MAML2: variants seen among roughly 807,000 people sequenced by gnomAD.
MAML2 encodes the protein mastermind-like protein 2.
Under a neutral mutation model 96.1 loss-of-function variants are expected in MAML2, and 22 were observed. The ratio of observed to expected loss-of-function variants is 0.23; its 90% confidence interval spans 0.16 to 0.33. The LOEUF (loss-of-function observed/expected upper bound fraction) is 0.33. Among genes scored for constraint, MAML2 ranks in the 10% least tolerant of loss-of-function variants. The pLI is 1.00. For synonymous variants in MAML2, 561 were observed against 521.3 expected (o/e 1.08, Z -1.04); for missense variants, 1,367 against 1,392.4 (o/e 0.98, Z 0.29).
intron 1 of MAML2, among the ~76,000 whole-genome samples, chr11:96,301,422 C>T (rs973421990): frequency 4.6e-5 from 7 of 152,190 alleles, no homozygotes; most frequent in African/African-American, 1.7e-4. Context: ...CTAGTCCCAG[C>T]CCACCTGTCA....
At chr11:96,045,505 G>T (rs1267596606) in intron 2 of MAML2, among the ~76,000 whole-genome samples, 1 of 152,140 alleles carries the variant, frequency 6.6e-6, no homozygotes, top group African/African-American at 2.4e-5. Context: ...TGCCATCAAA[G>T]ATTAAGTCCT....
At chr11:96,008,915 A>C (rs1858227733) in intron 2 of MAML2, among the ~76,000 whole-genome samples, 1 of 152,168 alleles carries the variant, frequency 6.6e-6, no homozygotes, top group Non-Finnish European at 1.5e-5. Context: ...CCAGGTATTC[A>C]CTTCAGTTTT....
At chr11:96,155,231 C>T (rs1331735771) in intron 1 of MAML2, among the ~76,000 whole-genome samples, 1 of 151,920 alleles carries the variant, frequency 6.6e-6, no homozygotes, top group Non-Finnish European at 1.5e-5. Flanking sequence ...ACATTGGGCT[C>T]CCTTCCAAAC....
intron 1 of MAML2, among the ~76,000 whole-genome samples, chr11:96,151,124 C>A (rs1326113447): frequency 6.6e-6 from 1 of 152,114 alleles, no homozygotes; most frequent in Non-Finnish European, 1.5e-5. Flanking sequence ...CTTCAAACTC[C>A]CTCGTCTAAT....
chr11:96,301,382 C>A (rs1863384581), intron 1 of MAML2, among the ~76,000 whole-genome samples: 1 of 152,192 alleles, frequency 6.6e-6, no homozygotes, highest in African/African-American at 2.4e-5. Flanking sequence ...TCCTTACATG[C>A]TACACCCTAA....
intron 1 of MAML2, among the ~76,000 whole-genome samples, chr11:96,128,906 A>C (rs1369290661): frequency 1.3e-5 from 2 of 152,208 alleles, no homozygotes; most frequent in African/African-American, 4.8e-5. Flanking sequence ...GTGAAGTCCA[A>C]AATTGTTATT....
At chr11:96,249,303 G>T (rs976244032) in intron 1 of MAML2, among the ~76,000 whole-genome samples, 1 of 151,828 alleles carries the variant, frequency 6.6e-6, no homozygotes, top group East Asian at 1.9e-4. Context: ...CTGTTCAAAC[G>T]CCTCTTCTTT....
At chr11:96,194,664 T>A (rs1407157266) in intron 1 of MAML2, among the ~76,000 whole-genome samples, 2 of 152,230 alleles carry the variant, frequency 1.3e-5, no homozygotes, top group Non-Finnish European at 2.9e-5. Context: ...TAAATGTGCC[T>A]CTTCTTTATT....
chr11:96,041,453 C>G (rs957894055), intron 2 of MAML2, among the ~76,000 whole-genome samples: 18 of 150,452 alleles, frequency 1.2e-4, no homozygotes, highest in African/African-American at 4.2e-4. Flanking sequence ...GTGAGCCAGC[C>G]TGGGCAACAG....
chr11:96,064,302 C>T (rs1397572830), intron 2 of MAML2, among the ~76,000 whole-genome samples: 1 of 152,162 alleles, frequency 6.6e-6, no homozygotes, highest in Non-Finnish European at 1.5e-5. Context: ...GCTAGGTGGC[C>T]ATTGGTCAAG....
intron 2 of MAML2, among the ~76,000 whole-genome samples, chr11:96,018,398 T>C (rs1177295183): frequency 1.3e-5 from 2 of 152,156 alleles, no homozygotes; most frequent in African/African-American, 4.8e-5. Flanking sequence ...ATAGAAAAGA[T>C]ACTGAAAGTC....
intron 1 of MAML2, among the ~76,000 whole-genome samples, chr11:96,330,953 A>G (rs12275348): frequency 0.14 from 21,047 of 152,104 alleles, 2,152 homozygotes; most frequent in African/African-American, 0.29. Flanking sequence ...TGTGGGGTGG[A>G]AGGGATCATT....
intron 2 of MAML2, among the ~76,000 whole-genome samples, chr11:96,012,520 C>T (rs186962344): frequency 1.1e-4 from 17 of 152,314 alleles, no homozygotes; most frequent in Admixed American, 4.6e-4. Context: ...ATGCTACAAA[C>T]ATCTACAGAG....
intron 2 of MAML2, among the ~76,000 whole-genome samples, chr11:95,996,187 G>GT (rs943539779): frequency 5.3e-5 from 8 of 152,164 alleles, no homozygotes; most frequent in Admixed American, 6.5e-5. Context: ...GTGCTAGGCA[G>GT]TTTTTTATTT....
At chr11:96,098,706 A>G (rs1455015222) in intron 1 of MAML2, among the ~76,000 whole-genome samples, 1 of 152,190 alleles carries the variant, frequency 6.6e-6, no homozygotes, top group African/African-American at 2.4e-5. Context: ...CTGCTGGGGA[A>G]AGGCATAGGC....
At chr11:96,315,552 T>A (rs764702267) in intron 1 of MAML2, among the ~76,000 whole-genome samples, 51 of 152,354 alleles carry the variant, frequency 3.3e-4, no homozygotes, top group Non-Finnish European at 6.6e-4. Flanking sequence ...TCCAGACTCC[T>A]GTTTTTTTCA....
At position 96,259,347 on chromosome 11, in the gene MAML2, G is replaced by GT. The variant is rs1263445998; in HGVS notation, c.513+82035dup. Reference sequence around the variant, plus strand: ...TAGCCAGCATTTTCCCCTTGCAACCGTAAGTCATTCTTCCTCAGAAGGCAA... The same window carrying GT: ...TAGCCAGCATTTTCCCCTTGCAACCGTTAAGTCATTCTTCCTCAGAAGGCAA... On this transcript the variant is annotated intron_variant, in intron 1 of 4. Coordinates refer to ENST00000524717, the MANE Select transcript of MAML2 (RefSeq NM_032427.4). Among the ~76,000 whole-genome samples, 3 of 152,208 alleles carry GT rather than the reference G, an allele frequency of 2.0e-5. No individual in the cohort carries two copies. The East Asian group carries it at 5.8e-4, about 29-fold the overall frequency.
chr11:96,152,384 T>C (rs1353546798), intron 1 of MAML2, among the ~76,000 whole-genome samples: 1 of 146,452 alleles, frequency 6.8e-6, no homozygotes, highest in African/African-American at 2.5e-5. Context: ...ATTAAAAATA[T>C]AATCGACAGA....
At chr11:96,011,697 A>G (rs1858269326) in intron 2 of MAML2, among the ~76,000 whole-genome samples, 1 of 152,176 alleles carries the variant, frequency 6.6e-6, no homozygotes, top group African/African-American at 2.4e-5. Flanking sequence ...GCAAATCTGC[A>G]CATGTACCCC....
Sources: gnomAD v4.1 joint callset for allele counts (sites outside exome capture counted in the v4.1 genomes callset) on GRCh38, gnomAD v4.1.1 for gene constraint, MANE v1.5 for transcripts, NCBI Gene and HGNC (gene_info 2026-07-23, HGNC 2026-07-21) for gene names.